The following GFUS variants were observed in gnomAD, a reference collection of about 807,000 sequenced individuals.
The protein encoded by GFUS is 3-5 epimerase/4-reductase.
Under a neutral mutation model 41.5 loss-of-function variants are expected in GFUS, and 42 were observed. That is an observed-to-expected ratio of 1.01 (90% CI 0.79 to 1.31). GFUS has a LOEUF of 1.31. GFUS is among the 50% of genes most tolerant of loss of function. GFUS has a pLI of 0.00. For missense variants in GFUS, 437 were observed against 428.7 expected (o/e 1.02, Z -0.17); for synonymous variants, 188 against 173.4 (o/e 1.08, Z -0.66).
chr8:143,615,797 G>T (rs1456191532), intron 3 of GFUS: 4 of 337,996 alleles, frequency 1.2e-5, no homozygotes, highest in African/African-American at 6.4e-5. Context: ...GACTCAGGGG[G>T]CAGGAACCAG....
Position 143,613,216 on chromosome 8 carries a change from CG to C in GFUS, c.889del (p.Arg297GlyfsTer9). On this transcript the variant is annotated frameshift_variant, in exon 10 of 11. Coordinates refer to ENST00000425753, the MANE Select transcript of GFUS (RefSeq NM_003313.4). LOFTEE classifies it high-confidence loss of function. ...CTCACCCTGCTTGAAGGGTGTGAAC[CG>C]GAAGTCGGGCAGGTAGGTCCTCAGC... ...SKLRTYLPDF[R>X]FTPFKQAVKE... 2 of 1,613,960 alleles carry C rather than the reference CG, an allele frequency of 1.2e-6. No homozygotes were observed. Among genetic ancestry groups the C allele is most frequent in the Non-Finnish European group, 1.7e-6 (2 of 1,179,960 alleles).
rs1182037777 is a variant in GFUS, at chr8:143,613,271, G to A, written c.835C>T (p.Gln279Ter). 2 of 1,614,042 alleles carry A rather than the reference G, an allele frequency of 1.2e-6. No homozygotes were observed. Among genetic ancestry groups the A allele is most frequent in the South Asian group, 1.1e-5 (1 of 91,088 alleles). Reference sequence around the variant, plus strand: ...CTGTTACTGGCTGTCTTCTTAAACTGCCCATCCGACTTGGTTGTATCAAAC... The same window carrying A: ...CTGTTACTGGCTGTCTTCTTAAACTACCCATCCGACTTGGTTGTATCAAAC... ...VTFDTTKSDG[Q>*]FKKTASNSKL... The change falls in exon 10 of 11, where the codon CAG (glutamine) becomes TAG (stop). Residue 279 changes from glutamine (Q) to a stop codon, truncating the protein, a stop_gained. Transcript: ENST00000425753. LOFTEE classifies it high-confidence loss of function.
Position 143,614,235 on chromosome 8 carries a change from AT to A in GFUS, c.599-8del. On this transcript the variant is annotated splice_region_variant and splice_polypyrimidine_tract_variant and intron_variant, in intron 6 of 10. Transcript: ENST00000425753. ...GTCAGGGCCGAGCCGCTGCCTGCAG[AT>A]TTGGGGAAGGAGCAGGTGTCAGAGG... The A allele has an allele frequency of 6.2e-7, 1 of 1,613,704 alleles. No individual in the cohort carries two copies. The highest frequency in any genetic ancestry group is 8.5e-7 in the Non-Finnish European group (1 of 1,179,980).
At position 143,612,918 on chromosome 8, in the gene GFUS, G is replaced by C. The variant is rs199878471; in HGVS notation, c.958C>G (p.Arg320Gly). ...AWFTDNYEQA[R>G]K is the part of the protein sequence containing the mutation. ...GATCCTGTCTTCCAGCTTCACTTCC[G>C]GGCCTGCTCGTAGTTGTCAGTGAAC... Residue 320 changes from arginine to glycine, a missense_variant, in exon 11 of 11, where the codon CGG (arginine) becomes GGG (glycine). Transcript: ENST00000425753. 282 of 1,608,682 alleles carry C rather than the reference G, an allele frequency of 1.8e-4. No individual in the cohort carries two copies. The highest frequency in any genetic ancestry group is 3.7e-5 in the Non-Finnish European group (44 of 1,178,212).
At position 143,613,862 on chromosome 8, in the gene GFUS, C is replaced by A. The variant is rs181685200; in HGVS notation, c.664-45G>T. 1,011 of 1,545,992 alleles carry A rather than the reference C, an allele frequency of 6.5e-4. 4 individuals are homozygous for A. In the African/African-American group the frequency reaches 9.9e-3, roughly 15 times the overall value. On this transcript the variant is annotated intron_variant, in intron 7 of 10. Coordinates refer to ENST00000425753, the MANE Select transcript of GFUS (RefSeq NM_003313.4). ...GGTCAGAGACCATGGGTATAGCCAA[C>A]CCTCTCCCAAACGCCCCTGCTGGGG...
intron 3 of GFUS, 39 bp from the exon 4 acceptor site, chr8:143,614,954 C>G: frequency 6.4e-7 from 1 of 1,565,850 alleles, no homozygotes; most frequent in South Asian, 1.2e-5. Context: ...GCTCCCCAGG[C>G]CAGATCCCAG....
At chr8:143,614,295 C>T in intron 6 of GFUS, 25 bp downstream of exon 6, 1 of 1,613,696 alleles carries the variant, frequency 6.2e-7, no homozygotes, top group Non-Finnish European at 8.5e-7. Context: ...TGAGCCCGGG[C>T]ACCCCATCGG....
At chr8:143,615,064 C>A (rs1829690747) in intron 3 of GFUS, 149 bp from the exon 4 acceptor site, 2 of 1,292,762 alleles carry the variant, frequency 1.5e-6, no homozygotes, top group Admixed American at 5.7e-5. Flanking sequence ...CCGGACAAGG[C>A]AGTGGGCTTA....
At chr8:143,616,383 G>A (rs770260132) in intron 2 of GFUS, 163 bp from the exon 3 acceptor site, 96 of 1,161,546 alleles carry the variant, frequency 8.3e-5, no homozygotes, top group Non-Finnish European at 9.5e-5. Flanking sequence ...AGGAAGAGAT[G>A]GGAGGGTGTT....
In GFUS at chr8:143,612,964, C is replaced by T. The variant is rs761198111; in HGVS notation, c.912G>A (p.Ala304=). The change falls in exon 11 of 11, where the codon GCG becomes GCA. Residue 304 remains alanine (A), a splice_region_variant and synonymous_variant. Coordinates refer to ENST00000425753, the MANE Select transcript of GFUS (RefSeq NM_003313.4). ...PDFRFTPFKQ[A]VKETCAWFTD... ...TGAACCAAGCACAGGTCTCCTTCAC[C>T]GCTGCAGAGGCAGGCAGGTGAGGGC... 3.9e-5 allele frequency: 63 copies of T among 1,609,852 alleles called. No individual in the cohort carries two copies. Among genetic ancestry groups the T allele is most frequent in the Admixed American group, 2.2e-4 (13 of 59,638 alleles).
chr8:143,614,062 G>A (rs1829651713), intron 7 of GFUS, 102 bp downstream of exon 7: 1 of 1,491,678 alleles, frequency 6.7e-7, no homozygotes, highest in South Asian at 1.2e-5. Context: ...TCTGCTGGTA[G>A]GAGCCTCCCT....
intron 3 of GFUS, 51 bp downstream of exon 3, chr8:143,616,055 C>G: frequency 6.8e-7 from 1 of 1,475,864 alleles, no homozygotes; most frequent in Non-Finnish European, 9.2e-7. Flanking sequence ...AGGAAGTTCC[C>G]AGAACCTGGG....
At chr8:143,617,451 G>A (rs1348156943) in intron 1 of GFUS, 23 bp downstream of exon 1, 1 of 152,290 alleles carries the variant, frequency 6.6e-6, no homozygotes, top group African/African-American at 2.4e-5. Flanking sequence ...CCCAGGGCGC[G>A]GCTGAGTCCG....
At chr8:143,615,959 G>T in intron 3 of GFUS, 147 bp downstream of exon 3, 2 of 662,738 alleles carry the variant, frequency 3.0e-6, no homozygotes, top group African/African-American at 1.8e-5. Context: ...TCCCTCAGGG[G>T]CTGCCCCCAC....
rs528612445 is a variant in GFUS, at chr8:143,614,889, G to A, written c.288C>T (p.Asn96=). The A allele has an allele frequency of 4.1e-5, 66 of 1,611,636 alleles. No homozygotes were observed. In the African/African-American group the frequency reaches 7.7e-4, roughly 19 times the overall value. Residue 96 remains asparagine (N), a synonymous_variant, in exon 4 of 11, where the codon AAC becomes AAT. Transcript: ENST00000425753. The stretch of plus-strand genomic sequence containing the variant: ...CCACCTCAAAGGCCGAGTGCAGGAC[G>A]TTGTCGTTCATGTGCACGTTTTTCC... ...FWRKNVHMND[N]VLHSAFEVGA...
In GFUS at chr8:143,616,201, C is replaced by T. The variant is rs1263399465; in HGVS notation, c.166G>A (p.Ala56Thr). Residue 56 changes from alanine (A) to threonine (T), a missense_variant, in exon 3 of 11, where the codon GCC (alanine) becomes ACC (threonine). Ala to Thr is a moderately conservative substitution (Grantham distance 58, BLOSUM62 0). Coordinates refer to ENST00000425753, the MANE Select transcript of GFUS (RefSeq NM_003313.4). ...GTGGGTTGGACCTTCTCAAACAGGGCGCGGGTCTGTGCTGTATCCCTGTAG... is the reference window on the plus strand; with the variant it reads ...GTGGGTTGGACCTTCTCAAACAGGGTGCGGGTCTGTGCTGTATCCCTGTAG... ...ADLTDTAQTR[A>T]LFEKVQPTHV... is the part of the protein sequence containing the mutation. 43 of 1,613,876 alleles carry T rather than the reference C, an allele frequency of 2.7e-5. No individual in the cohort carries two copies. Among genetic ancestry groups the T allele is most frequent in the Non-Finnish European group, 3.3e-5 (39 of 1,179,992 alleles).
At position 143,615,296 on chromosome 8, in the gene GFUS, C is replaced by T. The variant is rs7844633; in HGVS notation, c.262-381G>A. ...GGAACAGGGCGGTCTACTTCCCCAC[C>T]CTGGAGGAGCTCCCACCTGGCTCTA... On this transcript the variant is annotated intron_variant, in intron 3 of 10. Coordinates refer to ENST00000425753, the MANE Select transcript of GFUS (RefSeq NM_003313.4). 7.2e-4 allele frequency among the ~76,000 whole-genome samples: 109 copies of T among 152,148 alleles called. 4 individuals carry two copies. The highest frequency in any genetic ancestry group is 2.9e-3 in the Admixed American group (45 of 15,294).
At chr8:143,615,490 T>A (rs1344244498) in intron 3 of GFUS, among the ~76,000 whole-genome samples, 1 of 152,118 alleles carries the variant, frequency 6.6e-6, no homozygotes, top group Non-Finnish European at 1.5e-5. Flanking sequence ...CAAAGAGGGC[T>A]CTGGGGTGAC....
In GFUS at chr8:143,614,414, G is replaced by A. The variant is rs771922160; in HGVS notation, c.504C>T (p.Val168=). The A allele has an allele frequency of 6.2e-7, 1 of 1,613,880 alleles. No individual in the cohort carries two copies. The highest frequency in any genetic ancestry group is 8.5e-7 in the Non-Finnish European group (1 of 1,179,968). The change falls in exon 6 of 11, where the codon GTC becomes GTT. Residue 168 remains valine (V), a synonymous_variant. Coordinates refer to ENST00000425753, the MANE Select transcript of GFUS (RefSeq NM_003313.4). ...GGGGCCCGAAGACGTTGGTGGGGAT[G>A]ACAGCGGTGAAGGTGCAGCCGTACT... The part of the protein sequence containing the change: ...FQQYGCTFTA[V]IPTNVFGPHD...
Sources: gnomAD v4.1 joint callset for allele counts (sites outside exome capture counted in the v4.1 genomes callset) on GRCh38, gnomAD v4.1.1 for gene constraint, MANE v1.5 for transcripts, NCBI Gene and HGNC (gene_info 2026-07-23, HGNC 2026-07-21) for gene names.